ANKRD36C: variants seen among roughly 807,000 people sequenced by gnomAD.
ANKRD36C encodes the protein ankyrin repeat domain 36C.
A neutral mutation model predicts 276.4 loss-of-function variants in ANKRD36C; 61 were observed. That is an observed-to-expected ratio of 0.22 (90% confidence interval 0.18 to 0.27). The LOEUF is 0.27. Among genes scored for constraint, ANKRD36C ranks in the 10% least tolerant of loss-of-function variants. The probability of loss-of-function intolerance (pLI) is 1.00; values close to 1 mark genes in which losing one functional copy is unlikely to be tolerated. For synonymous variants in ANKRD36C, 483 were observed against 680.1 expected (o/e 0.71, Z 4.51); for missense variants, 1,447 against 2,032.3 (o/e 0.71, Z 5.54).
At chr2:95,927,574 G>GA (rs548198983) in intron 26 of ANKRD36C, among the ~76,000 whole-genome samples, 165 bp from the exon 27 acceptor site, 36 of 151,036 alleles carry the variant, frequency 2.4e-4, no homozygotes, top group African/African-American at 8.2e-4. Flanking sequence ...GAAATACACT[G>GA]AAAAAAAAGG....
intron 59 of ANKRD36C, among the ~76,000 whole-genome samples, chr2:95,870,239 G>A (rs976939787): frequency 5.3e-5 from 8 of 152,180 alleles, no homozygotes; most frequent in Non-Finnish European, 1.0e-4. Flanking sequence ...ACTGACCCCC[G>A]AGCAGCCTAA....
chr2:95,885,599 T>C (rs1676181817), intron 52 of ANKRD36C, among the ~76,000 whole-genome samples: 1 of 151,944 alleles, frequency 6.6e-6, no homozygotes, highest in Admixed American at 6.6e-5. Flanking sequence ...CTCTTCCTTG[T>C]GGAAAATAAT....
chr2:95,958,171 A>G (rs1355124172), intron 12 of ANKRD36C, among the ~76,000 whole-genome samples: 2 of 152,006 alleles, frequency 1.3e-5, no homozygotes, highest in African/African-American at 4.8e-5. Flanking sequence ...TGGTCTCATT[A>G]CTTCTCGTTC....
rs762862177 is a variant in ANKRD36C at position 95,882,506 on chromosome 2, T to C, written c.3266-9A>G. The C allele has an allele frequency of 1.3e-5, 20 of 1,550,584 alleles. No individual in the cohort carries two copies. In the East Asian group the frequency reaches 4.9e-4, roughly 38 times the overall value. On this transcript the variant is annotated splice_polypyrimidine_tract_variant and intron_variant, in intron 54 of 66. Coordinates refer to ENST00000456556, the Ensembl canonical transcript of ANKRD36C. ...TTGTTTCTGAGGAGACACTGAAAAGTAAAAGAAATATATAATCCATCATAT... is the reference window on the plus strand; with the variant it reads ...TTGTTTCTGAGGAGACACTGAAAAGCAAAAGAAATATATAATCCATCATAT...
chr2:95,967,398 C>T (rs546550233), intron 6 of ANKRD36C, among the ~76,000 whole-genome samples: 2 of 152,192 alleles, frequency 1.3e-5, no homozygotes, highest in African/African-American at 4.8e-5. Flanking sequence ...AGCTCATCAT[C>T]ACTGATCATT....
At chr2:95,861,191 GT>G (rs760688457) in intron 60 of ANKRD36C, among the ~76,000 whole-genome samples, 2 of 150,924 alleles carry the variant, frequency 1.3e-5, no homozygotes, top group East Asian at 1.9e-4. Flanking sequence ...GGCAGGGAAG[GT>G]TTTTTTTTAA....
chr2:95,901,924 T>C (rs1440952754), intron 42 of ANKRD36C, among the ~76,000 whole-genome samples: 2 of 149,300 alleles, frequency 1.3e-5, no homozygotes, highest in African/African-American at 5.0e-5. Context: ...AACTTTGACA[T>C]ACTTCTACAA....
intron 20 of ANKRD36C, 142 bp downstream of exon 20, chr2:95,941,018 A>G (rs1677872214): frequency 4.9e-6 from 2 of 411,592 alleles, no homozygotes; most frequent in East Asian, 1.1e-4. Flanking sequence ...TTATAGTTAT[A>G]TTTATTTTCA....
intron 54 of ANKRD36C, 85 bp downstream of exon 74, chr2:95,884,088 A>G: frequency 6.9e-7 from 1 of 1,442,538 alleles, no homozygotes; most frequent in Non-Finnish European, 9.5e-7. Context: ...TGCAGCTTCG[A>G]CGAGCCCTCC....
chr2:95,895,863 T>C (rs1233389670), intron 44 of ANKRD36C, among the ~76,000 whole-genome samples: 2 of 151,008 alleles, frequency 1.3e-5, no homozygotes, highest in Non-Finnish European at 3.0e-5. Flanking sequence ...TCAATGTGGA[T>C]ATGATGAGCG....
intron 60 of ANKRD36C, 142 bp from the exon 81 acceptor site, chr2:95,860,216 T>C (rs1675539215): frequency 3.0e-6 from 2 of 669,612 alleles, no homozygotes; most frequent in South Asian, 1.8e-5. Context: ...GAAGATATTA[T>C]AGTAAGGTCT....
At chr2:95,855,562 T>C (rs1177371123) in exon 63 of ANKRD36C, 1 of 1,611,298 alleles carries the variant, frequency 6.2e-7, no homozygotes, top group Admixed American at 1.7e-5. Context: ...TATCCACTTT[T>C]GTACATTTTT....
chr2:95,944,666 T>G (rs1250422920), exon 19 of ANKRD36C: 2 of 1,536,736 alleles, frequency 1.3e-6, no homozygotes, highest in African/African-American at 2.7e-5. Flanking sequence ...TTCCATTTTC[T>G]GTTTTGTCAA....
At chr2:95,866,308 TC>T (rs1394561451) in intron 60 of ANKRD36C, among the ~76,000 whole-genome samples, 2 of 152,232 alleles carry the variant, frequency 1.3e-5, no homozygotes, top group East Asian at 1.9e-4. Context: ...ATTAAAATCT[TC>T]TGCTCTTCAA....
At chr2:95,908,881 T>C (rs1676829590) in intron 42 of ANKRD36C, among the ~76,000 whole-genome samples, 184 bp from the exon 47 acceptor site, 1 of 151,300 alleles carries the variant, frequency 6.6e-6, no homozygotes, top group Non-Finnish European at 1.5e-5. Context: ...GAATACAGGC[T>C]CCACGAAATA....
In ANKRD36C at chr2:95,890,680, G is replaced by A. The variant is rs192342350; in HGVS notation, c.2858-686C>T. 7.7e-3 allele frequency among the ~76,000 whole-genome samples: 1,164 copies of A among 151,484 alleles called. 11 individuals are homozygous for A. Among genetic ancestry groups the A allele is most frequent in the Admixed American group, 0.012 (182 of 15,158 alleles). ...AGGATAATATATTAGCCTCAATAAA[G>A]ATATCATCAATTATCAACTTTGACA... On this transcript the variant is annotated intron_variant, in intron 46 of 66. Coordinates refer to ENST00000456556, the Ensembl canonical transcript of ANKRD36C.
chr2:95,863,035 T>C (rs1457264892), intron 60 of ANKRD36C, among the ~76,000 whole-genome samples: 1 of 151,654 alleles, frequency 6.6e-6, no homozygotes, highest in Non-Finnish European at 1.5e-5. Flanking sequence ...GAAGAAACAA[T>C]AGAAAAAAAT....
At chr2:95,944,150 A>G (rs183429801) in intron 19 of ANKRD36C, among the ~76,000 whole-genome samples, 1 of 152,314 alleles carries the variant, frequency 6.6e-6, no homozygotes, top group Admixed American at 6.5e-5. Context: ...ATTCTATAAT[A>G]TGATATGGAG....
intron 32 of ANKRD36C, among the ~76,000 whole-genome samples, chr2:95,922,712 T>C (rs1019338041): frequency 2.6e-5 from 4 of 151,716 alleles, no homozygotes; most frequent in African/African-American, 9.7e-5. Context: ...ATTCATTAAA[T>C]AGTTATTTTA....
Sources: allele counts gnomAD v4.1 joint callset (sites outside exome capture counted in the v4.1 genomes callset), GRCh38; gene constraint gnomAD v4.1.1; transcripts MANE v1.5; gene names NCBI Gene and HGNC (gene_info 2026-07-23, HGNC 2026-07-21).